Variants in OSMR observed in about 807,000 individuals in gnomAD.
OSMR encodes oncostatin-M-specific receptor subunit beta.
OSMR carries 81 observed loss-of-function variants against 99.9 expected under a neutral mutation model. The ratio of observed to expected loss-of-function variants is 0.81; its 90% confidence interval spans 0.68 to 0.97. OSMR has a LOEUF of 0.97. Among genes scored for constraint, OSMR ranks in the 50% least tolerant of loss-of-function variants. The probability of loss-of-function intolerance (pLI) is 0.00; values close to 1 mark genes in which losing one functional copy is unlikely to be tolerated. For synonymous variants in OSMR, 406 were observed against 410.4 expected, an observed-to-expected ratio of 0.99 and a Z score of 0.13; for missense variants, 1,099 against 1,153.4, an observed-to-expected ratio of 0.95 and a Z score of 0.68.
At position 38,846,356 on chromosome 5, in the gene OSMR, C is replaced by G; in HGVS notation, c.-45C>G. The G allele has an allele frequency of 6.6e-6, 1 of 152,326 alleles. No homozygotes were observed. The highest frequency in any genetic ancestry group is 2.1e-4 in the South Asian group (1 of 4,832). 9.4% of individuals were successfully genotyped at this position (152,326 alleles called of 1,614,324 possible). ...CTACCACCTGCGCTCGGACGGCGCT[C>G]GGAGGGTCCTCGCCCCCGGCCTGCC... is the stretch of plus-strand genomic sequence containing the variant. On this transcript the variant is annotated 5_prime_UTR_variant, in exon 1 of 18. Coordinates refer to ENST00000274276, the MANE Select transcript of OSMR (RefSeq NM_003999.3).
intron 15 of OSMR, among the ~76,000 whole-genome samples, chr5:38,930,349 C>T (rs909572445): frequency 6.6e-6 from 1 of 152,136 alleles, no homozygotes; most frequent in African/African-American, 2.4e-5. Flanking sequence ...CCCTAGAACC[C>T]TGTGTTGCCT....
chr5:38,910,688 A>G (rs571567822), intron 9 of OSMR, among the ~76,000 whole-genome samples: 29 of 152,320 alleles, frequency 1.9e-4, no homozygotes, highest in African/African-American at 6.7e-4. Flanking sequence ...ATATACCAGG[A>G]TCTCTGAGAC....
At chr5:38,924,276 C>A in intron 13 of OSMR, 146 bp from the exon 14 acceptor site, 1 of 1,505,768 alleles carries the variant, frequency 6.6e-7, no homozygotes, top group South Asian at 1.3e-5. Context: ...GGCACAAATC[C>A]TCTAGAGAAA....
At chr5:38,941,785 GA>G (rs1747599021) in intron 1 of OSMR, 2 of 232,846 alleles carry the variant, frequency 8.6e-6, no homozygotes, top group African/African-American at 4.4e-5. Context: ...AGAAAAACGT[GA>G]AAGGGCCAAA....
chr5:38,945,570 A>G (rs1431385528), downstream of OSMR: 2 of 1,614,112 alleles, frequency 1.2e-6, no homozygotes, highest in East Asian at 4.5e-5. Flanking sequence ...AAAGGCAGTT[A>G]TCATCTGTAT....
intron 1 of OSMR, among the ~76,000 whole-genome samples, chr5:38,863,128 C>A (rs966410139): frequency 7.0e-6 from 1 of 142,756 alleles, no homozygotes; most frequent in Non-Finnish European, 1.5e-5. Context: ...AGTCCAGCTT[C>A]GGCTCGGCAT....
At position 38,932,468 on chromosome 5, in the gene OSMR, A is replaced by G; in HGVS notation, c.2300A>G (p.Lys767Arg). 1.2e-6 allele frequency: 2 copies of G among 1,613,078 alleles called. No individual in the cohort carries two copies. Among genetic ancestry groups the G allele is most frequent in the African/African-American group, 2.7e-5 (2 of 75,028 alleles). Residue 767 changes from lysine to arginine, a missense_variant, in exon 17 of 18, where the codon AAG becomes AGG. By Grantham distance (26) the Lys-to-Arg change is conservative. Transcript: ENST00000274276. Reference protein sequence around the residue: ...VMCYLKSQWIKETCYPDIPDP... With the variant: ...VMCYLKSQWIRETCYPDIPDP... Reference sequence around the variant, plus strand: ...ATTTTCGCTTTTTTTTCTAGGATCAAGGAGACCTGTTATCCTGACATCCCT... The same window carrying G: ...ATTTTCGCTTTTTTTTCTAGGATCAGGGAGACCTGTTATCCTGACATCCCT...
intron 12 of OSMR, 57 bp from the exon 13 acceptor site, chr5:38,923,093 T>C: frequency 6.2e-7 from 1 of 1,608,150 alleles, no homozygotes; most frequent in South Asian, 1.1e-5. Flanking sequence ...TCTTTTTCTT[T>C]TCAGAATTAG....
At chr5:38,895,162 A>AGATTGTTAATTT (rs1744424224) in intron 7 of OSMR, among the ~76,000 whole-genome samples, 1 of 152,072 alleles carries the variant, frequency 6.6e-6, no homozygotes, top group Non-Finnish European at 1.5e-5. Flanking sequence ...ATCTCAAATT[A>AGATTGTTAATTT]ACAATCTAAT....
intron 3 of OSMR, among the ~76,000 whole-genome samples, chr5:38,878,330 G>T (rs1044850922): frequency 3.9e-5 from 6 of 152,052 alleles, no homozygotes; most frequent in Admixed American, 3.9e-4. Context: ...GCCTGACAGG[G>T]CACTCTCATT....
chr5:38,909,814 G>A (rs578033942), intron 9 of OSMR, among the ~76,000 whole-genome samples: 9 of 152,234 alleles, frequency 5.9e-5, no homozygotes, highest in South Asian at 2.1e-4. Flanking sequence ...AAGCAACCAC[G>A]CAATCAAATC....
chr5:38,942,255 C>G (rs1747647535), intron 1 of OSMR: 2 of 1,145,092 alleles, frequency 1.7e-6, no homozygotes, highest in East Asian at 4.9e-5. Context: ...AGGAAATCCA[C>G]AAATATGAAT....
At chr5:38,924,722 G>C in intron 14 of OSMR, 127 bp downstream of exon 14, 2 of 873,754 alleles carry the variant, frequency 2.3e-6, no homozygotes, top group Non-Finnish European at 3.8e-6. Context: ...CTTTATACTG[G>C]AAAGGTGTTC....
chr5:38,885,511 A>C, intron 6 of OSMR, 27 bp downstream of exon 6: 1 of 1,613,682 alleles, frequency 6.2e-7, no homozygotes, highest in Admixed American at 1.7e-5. Flanking sequence ...TACATTATTG[A>C]CAACTTCTTC....
At position 38,933,653 on chromosome 5, in the gene OSMR, G is replaced by A; in HGVS notation, c.*209G>A. ...AGCAAGCTTGCCCTAGAGACGGCAG[G>A]ATCATGGGAGCATGCTTACCTTCTG... On this transcript the variant is annotated 3_prime_UTR_variant, in exon 18 of 18. Coordinates refer to ENST00000274276, the MANE Select transcript of OSMR (RefSeq NM_003999.3). The A allele has an allele frequency of 1.7e-6, 1 of 587,132 alleles. No homozygotes were observed. Among genetic ancestry groups the A allele is most frequent in the Non-Finnish European group, 3.0e-6 (1 of 329,340 alleles). The allele number at this position is 587,132 out of a possible 1,614,324, so 36.4% of individuals were successfully genotyped here.
At chr5:38,851,846 C>G (rs184778786) in intron 1 of OSMR, among the ~76,000 whole-genome samples, 1 of 152,120 alleles carries the variant, frequency 6.6e-6, no homozygotes, top group Admixed American at 6.6e-5. Context: ...ATACTGTTCT[C>G]GTGGTAGAGA....
chr5:38,932,047 G>T (rs1746777186), intron 16 of OSMR, 83 bp downstream of exon 16: 2 of 1,008,680 alleles, frequency 2.0e-6, no homozygotes, highest in South Asian at 1.3e-5. Flanking sequence ...AAATGACATT[G>T]AATAATATGA....
At chr5:38,942,847 C>T (rs147549413) in intron 1 of OSMR, 83 of 1,608,544 alleles carry the variant, frequency 5.2e-5, no homozygotes, top group Non-Finnish European at 6.7e-5. Flanking sequence ...AGAAACTGTA[C>T]ATCTTGAAAT....
rs528599791 is a variant in OSMR, at chr5:38,924,096, A to C, written c.1871-326A>C. Among the ~76,000 whole-genome samples, 399 of 152,276 alleles carry C rather than the reference A, an allele frequency of 2.6e-3. 2 individuals are homozygous for C. Among genetic ancestry groups the C allele is most frequent in the African/African-American group, 7.7e-3 (321 of 41,560 alleles). On this transcript the variant is annotated intron_variant, in intron 13 of 17. Coordinates refer to ENST00000274276, the MANE Select transcript of OSMR (RefSeq NM_003999.3). ...CCTCAAACACTGTTTTGAATTCAAGAACAGAATTAAGTCTCCTTTTTTTTA... is the reference window on the plus strand; with the variant it reads ...CCTCAAACACTGTTTTGAATTCAAGCACAGAATTAAGTCTCCTTTTTTTTA...
Sources: gnomAD v4.1 joint callset for allele counts (sites outside exome capture counted in the v4.1 genomes callset) on GRCh38, gnomAD v4.1.1 for gene constraint, MANE v1.5 for transcripts, NCBI Gene and HGNC (gene_info 2026-07-23, HGNC 2026-07-21) for gene names.